The following HSF5 variants were observed in gnomAD, a reference collection of about 807,000 sequenced individuals.
HSF5 encodes heat shock transcription factor 5, also known as heat shock factor protein 5.
HSF5 carries 5 observed loss-of-function variants against 50.8 expected under a neutral mutation model. The observed-to-expected ratio is 0.10, with a 90% confidence interval of 0.05 to 0.21. The LOEUF is 0.21. Among genes scored for constraint, HSF5 ranks in the 10% least tolerant of loss-of-function variants. The pLI, the probability that HSF5 is intolerant of heterozygous loss-of-function variation, is 1.00. For missense variants in HSF5, 564 were observed against 762.6 expected, an observed-to-expected ratio of 0.74 and a Z score of 3.07; for synonymous variants, 307 against 307.4, an observed-to-expected ratio of 1.00 and a Z score of 0.02.
intron 5 of HSF5, among the ~76,000 whole-genome samples, chr17:58,428,688 C>T (rs1974327473): frequency 6.6e-6 from 1 of 152,016 alleles, no homozygotes; most frequent in African/African-American, 2.4e-5. Flanking sequence ...CAACGAATTA[C>T]ACCTCACAAC....
intron 4 of HSF5, 149 bp from the exon 5 acceptor site, chr17:58,459,094 T>C (rs964478322): frequency 1.5e-6 from 1 of 660,466 alleles, no homozygotes; most frequent in Non-Finnish European, 2.6e-6. Flanking sequence ...TACTATACCT[T>C]TCTCCCTACA....
At position 58,488,083 on chromosome 17, in the gene HSF5, C is replaced by T. The variant is rs544940449; in HGVS notation, c.192G>A (p.Gly64=). 14 of 1,577,380 alleles carry T rather than the reference C, an allele frequency of 8.9e-6. No homozygotes were observed. The East Asian group carries it at 2.6e-4, about 29-fold the overall frequency. The change falls in exon 1 of 6, where the codon GGG becomes GGA. Residue 64 remains glycine (G), a synonymous_variant. Transcript: ENST00000323777. This position sits in a 1 kb window ranked among gnomAD's most constrained non-coding sequence, Gnocchi z 4.1. ...TGAAGAGCTCGGGCTCGGCCCCGGC[C>T]CCCGCAGTCCCGCCACCGCCCCCCG... ...PGPGGGGGTA[G]AGAEPELFKT...
intron 1 of HSF5, 118 bp downstream of exon 1, chr17:58,487,607 C>T (rs539787620): frequency 1.6e-6 from 2 of 1,287,680 alleles, no homozygotes; most frequent in African/African-American, 3.1e-5. Flanking sequence ...CAATGGGTCC[C>T]CGGCGCCTTT....
chr17:58,461,897 AT>A (rs891416782), intron 4 of HSF5, among the ~76,000 whole-genome samples: 1 of 152,002 alleles, frequency 6.6e-6, no homozygotes, highest in African/African-American at 2.4e-5. Context: ...TTTAATTTGG[AT>A]TTTTTTGGTA....
At chr17:58,483,443 T>C (rs1164461678) in intron 1 of HSF5, among the ~76,000 whole-genome samples, 2 of 152,222 alleles carry the variant, frequency 1.3e-5, no homozygotes, top group Non-Finnish European at 2.9e-5. Flanking sequence ...CAGATCAACA[T>C]TACAGAGCAT....
chr17:58,469,232 A>G (rs929138082), intron 2 of HSF5, among the ~76,000 whole-genome samples: 7 of 152,334 alleles, frequency 4.6e-5, no homozygotes, highest in African/African-American at 1.7e-4. Context: ...TTCATTACAA[A>G]TAAATCAATA....
chr17:58,448,133 C>CAAAAAAAAAAAAAAAAAAAAGGAA (rs1974585692), intron 5 of HSF5, among the ~76,000 whole-genome samples: 1 of 82,040 alleles, frequency 1.2e-5, no homozygotes, highest in African/African-American at 4.8e-5. Context: ...GAACCTGTCT[C>CAAAAAAAAAAAAAAAAAAAAGGAA]AAAAAAAAAA....
intron 5 of HSF5, 90 bp from the exon 6 acceptor site, chr17:58,422,520 C>T: frequency 1.1e-6 from 1 of 944,322 alleles, no homozygotes; most frequent in Non-Finnish European, 1.6e-6. Flanking sequence ...TTGTCTATGT[C>T]TCACCTGTAG....
In HSF5 at chr17:58,487,948, A is replaced by G. The variant is rs771154746; in HGVS notation, c.327T>C (p.His109=). 1.4e-5 allele frequency: 22 copies of G among 1,611,606 alleles called. No individual in the cohort carries two copies. The highest frequency in any genetic ancestry group is 1.9e-5 in the Non-Finnish European group (22 of 1,179,382). The change falls in exon 1 of 6, where the codon CAT becomes CAC. Residue 109 remains histidine, a synonymous_variant. Transcript: ENST00000323777. Reference sequence around the variant, plus strand: ...GGCGGAAGTGCGGGTTGTGGAAGTGATGGAGCGGCCCATTGCCTGCCGGTT... The same window carrying G: ...GGCGGAAGTGCGGGTTGTGGAAGTGGTGGAGCGGCCCATTGCCTGCCGGTT... ...GGKPAGNGPL[H]HFHNPHFRRD...
At chr17:58,478,598 A>G (rs1028419605) in intron 2 of HSF5, among the ~76,000 whole-genome samples, 18 of 151,220 alleles carry the variant, frequency 1.2e-4, no homozygotes, top group Admixed American at 1.3e-4. Flanking sequence ...AGGGTGGCTC[A>G]CTCCCGTAAT....
Position 58,422,356 on chromosome 17 carries a change from T to C in HSF5, c.*4A>G, listed in dbSNP as rs762161692. ...TGCACAATGTCACATTTGTCATCCA[T>C]TCCTCACTCTTTTAATTCTTCCTCC... On this transcript the variant is annotated 3_prime_UTR_variant, in exon 6 of 6. Coordinates refer to ENST00000323777, the MANE Select transcript of HSF5 (RefSeq NM_001080439.3). 3 of 1,610,194 alleles carry C rather than the reference T, an allele frequency of 1.9e-6. No individual in the cohort carries two copies. Among genetic ancestry groups the C allele is most frequent in the Non-Finnish European group, 1.7e-6 (2 of 1,176,494 alleles).
intron 2 of HSF5, among the ~76,000 whole-genome samples, chr17:58,469,904 T>C (rs2143792302): frequency 6.6e-6 from 1 of 152,294 alleles, no homozygotes. Context: ...CCAGAGTTAC[T>C]AAAAATTATT....
At chr17:58,430,061 T>TTTTTG (rs1249724997) in intron 5 of HSF5, among the ~76,000 whole-genome samples, 2 of 151,810 alleles carry the variant, frequency 1.3e-5, no homozygotes, top group South Asian at 2.1e-4. Context: ...TTTTTTACTG[T>TTTTTG]TTTTGTTTTG....
In HSF5 at chr17:58,466,370, C is replaced by T. The variant is rs190034153; in HGVS notation, c.1020+515G>A. On this transcript the variant is annotated intron_variant, in intron 3 of 5. Coordinates refer to ENST00000323777, the MANE Select transcript of HSF5 (RefSeq NM_001080439.3). ...CATTTGGTGACTTACACACTTGTAGCGTTTATCTGGTATTCATTTTACCTT... is the reference window on the plus strand; with the variant it reads ...CATTTGGTGACTTACACACTTGTAGTGTTTATCTGGTATTCATTTTACCTT... Among the ~76,000 whole-genome samples, 407 of 152,250 alleles carry T rather than the reference C, an allele frequency of 2.7e-3. 1 individual carries two copies. The highest frequency in any genetic ancestry group is 9.2e-3 in the African/African-American group (382 of 41,538).
At chr17:58,450,152 A>T (rs531271317) in intron 5 of HSF5, among the ~76,000 whole-genome samples, 3 of 151,850 alleles carry the variant, frequency 2.0e-5, no homozygotes, top group Non-Finnish European at 2.9e-5. Flanking sequence ...CCTGGCCAAC[A>T]TGGTGAAATT....
In HSF5 at chr17:58,448,791, A is replaced by G. The variant is rs573382790; in HGVS notation, c.1720+9977T>C. 2.0e-5 allele frequency among the ~76,000 whole-genome samples: 3 copies of G among 152,372 alleles called. No homozygotes were observed. In the East Asian group the frequency reaches 5.8e-4, roughly 29 times the overall value. On this transcript the variant is annotated intron_variant, in intron 5 of 5. Transcript: ENST00000323777. ...CGTTGATAAAAGTAAGCATACAGAG[A>G]CATTCAGAATACCCTAATACTGTAA...
intron 5 of HSF5, among the ~76,000 whole-genome samples, chr17:58,443,789 T>A (rs774413463): frequency 6.6e-6 from 1 of 152,248 alleles, no homozygotes; most frequent in Non-Finnish European, 1.5e-5. Flanking sequence ...CTGAAAAGGT[T>A]ATCTGCTTAT....
chr17:58,445,383 T>C (rs888770594), intron 5 of HSF5, among the ~76,000 whole-genome samples: 8 of 152,128 alleles, frequency 5.3e-5, no homozygotes, highest in Admixed American at 3.3e-4. Context: ...GTTTTGAGTC[T>C]AGCCTGAGCA....
At chr17:58,479,295 G>A (rs1004342718) in intron 2 of HSF5, among the ~76,000 whole-genome samples, 1 of 151,846 alleles carries the variant, frequency 6.6e-6, no homozygotes, top group Admixed American at 6.6e-5. Context: ...AGGTTCTGGG[G>A]TACTAAGGTT....
Sources: gnomAD v4.1 joint callset for allele counts (sites outside exome capture counted in the v4.1 genomes callset) on GRCh38, gnomAD v4.1.1 for gene constraint, Gnocchi (gnomAD v3.1) non-coding constraint, MANE v1.5 for transcripts, NCBI Gene and HGNC (gene_info 2026-07-23, HGNC 2026-07-21) for gene names.